ANXA3: variants seen among roughly 807,000 people sequenced by gnomAD.
The protein encoded by ANXA3 is annexin A3, also known as 35-alpha calcimedin.
Under a neutral mutation model 48.8 loss-of-function variants are expected in ANXA3, and 46 were observed. The observed-to-expected ratio is 0.94, with a 90% CI of 0.74 to 1.21. The LOEUF is 1.21. ANXA3 is among the 50% of genes most tolerant of loss of function. The pLI, the probability that ANXA3 is intolerant of heterozygous loss-of-function variation, is 0.00. For missense variants in ANXA3, 383 were observed against 378.6 expected (o/e 1.01, Z -0.10); for synonymous variants, 128 against 134.7 (o/e 0.95, Z 0.35).
At chr4:78,553,405 C>T (rs1473355689) in intron 1 of ANXA3, among the ~76,000 whole-genome samples, 7 of 152,128 alleles carry the variant, frequency 4.6e-5, no homozygotes, top group Admixed American at 3.3e-4. Context: ...CCCTGTGAAA[C>T]TGACCTCGTT....
chr4:78,552,241 G>A (rs1365620201), intron 1 of ANXA3: 2 of 152,360 alleles, frequency 1.3e-5, no homozygotes, highest in Non-Finnish European at 2.9e-5. Context: ...TAAAGGTCTA[G>A]GGGACAGAAA....
At chr4:78,577,443 G>A (rs542058717) in intron 3 of ANXA3, among the ~76,000 whole-genome samples, 3 of 152,174 alleles carry the variant, frequency 2.0e-5, no homozygotes, top group Non-Finnish European at 4.4e-5. Flanking sequence ...TTGTGCAGTT[G>A]TGGTGGCCGG....
At chr4:78,569,995 G>T (rs1722811167) in intron 2 of ANXA3, among the ~76,000 whole-genome samples, 1 of 152,192 alleles carries the variant, frequency 6.6e-6, no homozygotes, top group Admixed American at 6.5e-5. Flanking sequence ...AGTTTTAAAA[G>T]ATTTCATTAA....
chr4:78,581,267 G>A (rs1371186342), intron 4 of ANXA3, among the ~76,000 whole-genome samples: 1 of 152,130 alleles, frequency 6.6e-6, no homozygotes, highest in Non-Finnish European at 1.5e-5. Flanking sequence ...ATAATCAGGA[G>A]CAGGAACAAA....
chr4:78,606,872 C>A (rs116164075), intron 12 of ANXA3, among the ~76,000 whole-genome samples: 1,874 of 152,310 alleles, frequency 0.012, 35 homozygotes, highest in African/African-American at 0.042. Context: ...GGACTTAGCA[C>A]AAATTGCATC....
chr4:78,600,363 C>T lies in ANXA3; in HGVS notation c.731-1147C>T, dbSNP rs564146478. Among the ~76,000 whole-genome samples, 39 of 152,046 alleles carry T rather than the reference C, an allele frequency of 2.6e-4. No individual in the cohort carries two copies. In the South Asian group the frequency reaches 6.2e-3, roughly 24 times the overall value. Reference sequence around the variant, plus strand: ...AAATCTAGTAGGTAAGAATATAAAGCAGAAGGCAAGCTAAAGGGAAGAAAG... The same window carrying T: ...AAATCTAGTAGGTAAGAATATAAAGTAGAAGGCAAGCTAAAGGGAAGAAAG... On this transcript the variant is annotated intron_variant, in intron 10 of 12. Coordinates refer to ENST00000264908, the MANE Select transcript of ANXA3 (RefSeq NM_005139.3).
intron 4 of ANXA3, among the ~76,000 whole-genome samples, chr4:78,581,881 G>T (rs1349847307): frequency 1.3e-5 from 2 of 152,130 alleles, no homozygotes; most frequent in Non-Finnish European, 2.9e-5. Flanking sequence ...CCCAATCTAA[G>T]CATTGAAAGC....
chr4:78,594,462 C>A (rs183627078), intron 7 of ANXA3, among the ~76,000 whole-genome samples: 23 of 152,308 alleles, frequency 1.5e-4, no homozygotes, highest in African/African-American at 5.3e-4. Flanking sequence ...AACTGCAGAA[C>A]TGTCTTCCAA....
chr4:78,556,743 G>A (rs1436513193), intron 2 of ANXA3, among the ~76,000 whole-genome samples: 1 of 151,930 alleles, frequency 6.6e-6, no homozygotes, highest in Admixed American at 6.6e-5. Flanking sequence ...GATGAAAAAA[G>A]CATCTCTCCA....
At chr4:78,588,816 C>T (rs1723230422) in intron 6 of ANXA3, among the ~76,000 whole-genome samples, 1 of 152,170 alleles carries the variant, frequency 6.6e-6, no homozygotes, top group African/African-American at 2.4e-5. Flanking sequence ...ACTGGTGGAA[C>T]CTAATAGGGA....
chr4:78,597,275 C>A, intron 9 of ANXA3, 44 bp from the exon 10 acceptor site: 3 of 1,280,824 alleles, frequency 2.3e-6, no homozygotes, highest in Non-Finnish European at 2.3e-6. Flanking sequence ...TTCAAATGTG[C>A]TCAACTGCGT....
chr4:78,600,301 A>C (rs1371350969), intron 10 of ANXA3, among the ~76,000 whole-genome samples: 2 of 152,208 alleles, frequency 1.3e-5, no homozygotes, highest in Admixed American at 1.3e-4. Flanking sequence ...CCACTGAAAC[A>C]TACTGCCACC....
chr4:78,590,400 G>A (rs193079566), intron 6 of ANXA3, among the ~76,000 whole-genome samples: 5 of 152,264 alleles, frequency 3.3e-5, no homozygotes, highest in Admixed American at 2.6e-4. Context: ...CCATCTCAGC[G>A]CAGTTCTTGC....
chr4:78,589,598 G>A (rs1723249326), intron 6 of ANXA3, among the ~76,000 whole-genome samples: 2 of 152,290 alleles, frequency 1.3e-5, no homozygotes, highest in South Asian at 4.1e-4. Flanking sequence ...ACCACATGGT[G>A]TTTGTCTACC....
At chr4:78,595,610 C>G (rs1329333721) in intron 8 of ANXA3, among the ~76,000 whole-genome samples, 173 bp downstream of exon 8, 2 of 151,600 alleles carry the variant, frequency 1.3e-5, no homozygotes, top group African/African-American at 4.9e-5. Context: ...TTTTGCCTGC[C>G]CCAGTGGTAG....
intron 2 of ANXA3, 43 bp from the exon 3 acceptor site, chr4:78,573,137 A>T (rs1466205272): frequency 6.5e-6 from 9 of 1,391,872 alleles, no homozygotes; most frequent in Non-Finnish European, 8.2e-6. Context: ...TACAAGAAAG[A>T]TGTCATTTTG....
At chr4:78,585,460 C>A (rs1311972169) in intron 5 of ANXA3, among the ~76,000 whole-genome samples, 1 of 152,210 alleles carries the variant, frequency 6.6e-6, no homozygotes, top group African/African-American at 2.4e-5. Context: ...AGGATACTCC[C>A]TGAGCATACA....
intron 2 of ANXA3, among the ~76,000 whole-genome samples, chr4:78,559,151 C>A (rs1207544891): frequency 6.6e-6 from 1 of 152,120 alleles, no homozygotes; most frequent in Non-Finnish European, 1.5e-5. Context: ...GCAATCACGG[C>A]TTGCTGCAGC....
At chr4:78,570,249 T>A (rs1276911119) in intron 2 of ANXA3, among the ~76,000 whole-genome samples, 1 of 151,940 alleles carries the variant, frequency 6.6e-6, no homozygotes, top group African/African-American at 2.4e-5. Context: ...AAGTACTAAA[T>A]TGCATAATAA....
Sources: allele counts gnomAD v4.1 joint callset (sites outside exome capture counted in the v4.1 genomes callset), GRCh38; gene constraint gnomAD v4.1.1; transcripts MANE v1.5; gene names NCBI Gene and HGNC (gene_info 2026-07-23, HGNC 2026-07-21).